The following RERE variants were observed in gnomAD, a reference collection of about 807,000 sequenced individuals.
RERE encodes the protein arginine-glutamic acid dipeptide repeats, also known as arginine-glutamic acid dipeptide repeats protein.
Under a neutral mutation model 146.1 loss-of-function variants are expected in RERE, and 40 were observed. That is an observed-to-expected ratio of 0.27 (90% CI 0.21 to 0.36). The LOEUF is 0.36. Ranked by LOEUF, RERE falls within the 10% of genes least tolerant of loss-of-function variation. The probability of loss-of-function intolerance (pLI) is 1.00; values close to 1 mark genes in which losing one functional copy is unlikely to be tolerated. For synonymous variants in RERE, 1,003 were observed against 866.0 expected, an observed-to-expected ratio of 1.16 and a Z score of -2.78; for missense variants, 1,933 against 2,138.7, an observed-to-expected ratio of 0.90 and a Z score of 1.90.
At chr1:8,460,020 C>T (rs554154469) in intron 11 of RERE, among the ~76,000 whole-genome samples, 2 of 152,310 alleles carry the variant, frequency 1.3e-5, no homozygotes, top group South Asian at 2.1e-4. Flanking sequence ...ACCATAACTA[C>T]AAGCTCTGAG....
chr1:8,760,614 T>C (rs74050284), intron 1 of RERE, among the ~76,000 whole-genome samples: 3,158 of 152,236 alleles, frequency 0.021, 122 homozygotes, highest in African/African-American at 0.073. Flanking sequence ...CCCATTTCCA[T>C]GGATTTTTGT....
At chr1:8,582,234 T>C (rs986341148) in intron 4 of RERE, among the ~76,000 whole-genome samples, 1 of 152,084 alleles carries the variant, frequency 6.6e-6, no homozygotes, top group Admixed American at 6.6e-5. Context: ...CTTGCTGTGT[T>C]ACCCAGGCTG....
chr1:8,527,212 T>C (rs1242204925), intron 7 of RERE, among the ~76,000 whole-genome samples: 2 of 152,206 alleles, frequency 1.3e-5, no homozygotes, highest in Non-Finnish European at 2.9e-5. Flanking sequence ...AAATGCCAAG[T>C]ACACTTAAAT....
intron 4 of RERE, among the ~76,000 whole-genome samples, chr1:8,595,627 C>A (rs1177490513): frequency 2.0e-5 from 3 of 151,936 alleles, no homozygotes; most frequent in African/African-American, 7.2e-5. Flanking sequence ...GATGAAAAAG[C>A]ATGTTTAAGC....
chr1:8,580,121 T>C (rs1646345932), intron 4 of RERE, among the ~76,000 whole-genome samples: 1 of 152,248 alleles, frequency 6.6e-6, no homozygotes. Flanking sequence ...CGTCAAGTAA[T>C]TTGACATCAT....
chr1:8,383,689 T>A (rs1570105655), intron 12 of RERE, among the ~76,000 whole-genome samples: 1 of 152,076 alleles, frequency 6.6e-6, no homozygotes, highest in East Asian at 1.9e-4. Context: ...TGAAACTTTA[T>A]CTCTACTAAA....
At chr1:8,592,542 G>A (rs998643747) in intron 4 of RERE, among the ~76,000 whole-genome samples, 3 of 151,882 alleles carry the variant, frequency 2.0e-5, no homozygotes, top group Non-Finnish European at 2.9e-5. Context: ...AAAGTGCTGG[G>A]ATTACAGGCA....
At chr1:8,422,102 C>T (rs1643918289) in intron 12 of RERE, among the ~76,000 whole-genome samples, 3 of 152,220 alleles carry the variant, frequency 2.0e-5, no homozygotes, top group Non-Finnish European at 4.4e-5. Flanking sequence ...TTCTACCTCA[C>T]GTTTATCGGG....
At chr1:8,691,093 T>TTA (rs1485929734) in intron 1 of RERE, among the ~76,000 whole-genome samples, 1 of 152,054 alleles carries the variant, frequency 6.6e-6, no homozygotes, top group Non-Finnish European at 1.5e-5. Flanking sequence ...AGACGGGGTT[T>TTA]TACCATGTTG....
chr1:8,735,659 G>T (rs1640180200), intron 1 of RERE, among the ~76,000 whole-genome samples: 1 of 152,100 alleles, frequency 6.6e-6, no homozygotes, highest in African/African-American at 2.4e-5. Flanking sequence ...CCCGGTGGGA[G>T]GTGATTGGAT....
rs542181355 is a variant in RERE, at chr1:8,447,064, C to G, written c.1203+18861G>C. On this transcript the variant is annotated intron_variant, in intron 11 of 22. Coordinates refer to ENST00000400908, the MANE Select transcript of RERE (RefSeq NM_001042681.2). ...TGATCTTCAATCTCTGATACCCTTT[C>G]TTCTGCTTGATCAATTCGGCTATTG... 1.1e-4 allele frequency among the ~76,000 whole-genome samples: 16 copies of G among 151,472 alleles called. No homozygotes were observed. The South Asian group carries it at 3.3e-3, about 32-fold the overall frequency.
chr1:8,647,425 GA>G (rs146229416), intron 2 of RERE, among the ~76,000 whole-genome samples: 2,314 of 151,618 alleles, frequency 0.015, 61 homozygotes, highest in African/African-American at 0.053. Context: ...TCACATGTCG[GA>G]AAAAAAACAT....
chr1:8,482,040 G>A (rs1253317233), intron 10 of RERE, among the ~76,000 whole-genome samples: 1 of 152,104 alleles, frequency 6.6e-6, no homozygotes, highest in African/African-American at 2.4e-5. Flanking sequence ...ACCACCACAC[G>A]GATGATGCCT....
rs547737848 is a variant in RERE at position 8,701,770 on chromosome 1, A to T, written c.-144-45329T>A. ...CCCAGGGATCTTTATAAAATAGTTT[A>T]AACACTACTAAATTACAGAGTTAGA... On this transcript the variant is annotated intron_variant, in intron 1 of 22. Transcript: ENST00000400908. 5.9e-5 allele frequency among the ~76,000 whole-genome samples: 9 copies of T among 152,098 alleles called. No homozygotes were observed. The East Asian group carries it at 1.7e-3, about 29-fold the overall frequency.
intron 7 of RERE, among the ~76,000 whole-genome samples, chr1:8,515,130 G>C (rs1386263424): frequency 6.6e-6 from 1 of 152,160 alleles, no homozygotes; most frequent in Non-Finnish European, 1.5e-5. Context: ...CAGCACTCTG[G>C]GACGCTGAGG....
Position 8,360,582 on chromosome 1 carries a change from C to T in RERE, c.2925G>A (p.Leu975=), listed in dbSNP as rs760523989. ...GAGCCGACGGGGGGTGATGTGTGGACAGGGAGCTCAGGGGCTTCAGGGCTG... is the reference window on the plus strand; with the variant it reads ...GAGCCGACGGGGGGTGATGTGTGGATAGGGAGCTCAGGGGCTTCAGGGCTG... ...PPPALKPLSS[L]STHHPPSAHP... is the part of the protein sequence containing the mutation. The change falls in exon 18 of 23, where the codon CTG becomes CTA. Residue 975 remains leucine, a synonymous_variant. Coordinates refer to ENST00000400908, the MANE Select transcript of RERE (RefSeq NM_001042681.2). The T allele has an allele frequency of 1.4e-6, 2 of 1,467,986 alleles. No homozygotes were observed. The highest frequency in any genetic ancestry group is 1.4e-5 in the South Asian group (1 of 73,500). 90.9% of individuals were successfully genotyped at this position (1,467,986 alleles called of 1,614,324 possible).
intron 1 of RERE, among the ~76,000 whole-genome samples, chr1:8,777,168 A>G (rs1641080227): frequency 6.6e-6 from 1 of 152,196 alleles, no homozygotes; most frequent in Non-Finnish European, 1.5e-5. Context: ...AGTTATCAAT[A>G]TTTTATCTGC....
intron 12 of RERE, among the ~76,000 whole-genome samples, chr1:8,421,728 CA>C (rs1212475161): frequency 6.6e-6 from 1 of 152,078 alleles, no homozygotes; most frequent in Middle Eastern, 3.4e-3. Context: ...AAAATTAAGC[CA>C]AAAAACCCAA....
rs143659272 is a variant in RERE at position 8,439,981 on chromosome 1, G to A, written c.1204-17174C>T. Among the ~76,000 whole-genome samples, 713 of 152,318 alleles carry A rather than the reference G, an allele frequency of 4.7e-3. 3 individuals carry two copies. Among genetic ancestry groups the A allele is most frequent in the Non-Finnish European group, 8.3e-3 (563 of 68,028 alleles). On this transcript the variant is annotated intron_variant, in intron 11 of 22. Transcript: ENST00000400908. Reference sequence around the variant, plus strand: ...CCCAGCTACTGGGGAGGCTGAGGCAGGAGAATTGCTTCAACCCGGGAGGCA... The same window carrying A: ...CCCAGCTACTGGGGAGGCTGAGGCAAGAGAATTGCTTCAACCCGGGAGGCA...
Sources: gnomAD v4.1 joint callset for allele counts (sites outside exome capture counted in the v4.1 genomes callset) on GRCh38, gnomAD v4.1.1 for gene constraint, MANE v1.5 for transcripts, NCBI Gene and HGNC (gene_info 2026-07-23, HGNC 2026-07-21) for gene names.